Variants in TEKTL1 observed in about 807,000 individuals in gnomAD.
The protein encoded by TEKTL1 is tektin like 1.
the TEKTL1 span, chr19:15,023,081 A>ACGC: frequency 1.7e-3 from 2,761 of 1,608,380 alleles, 13 homozygotes; most frequent in Middle Eastern, 5.6e-3. Flanking sequence ...GGACCCGCGC[A>ACGC]CGCCGCCGCC....
the TEKTL1 span, chr19:15,020,516 C>T: frequency 1.9e-6 from 3 of 1,613,876 alleles, no homozygotes; most frequent in Non-Finnish European, 1.7e-6. Context: ...CGGCTCCAAG[C>T]CGTGGACCTC....
At chr19:15,021,425 A>AG in the TEKTL1 span, 2 of 1,614,266 alleles carry the variant, frequency 1.2e-6, no homozygotes, top group Non-Finnish European at 1.7e-6. Context: ...GAAATGGCAA[A>AG]GAACGAGGTG....
chr19:15,018,156 C>T, the TEKTL1 span, among the ~76,000 whole-genome samples: 6 of 151,994 alleles, frequency 3.9e-5, no homozygotes, highest in African/African-American at 1.4e-4. Flanking sequence ...AGTTTCAGAC[C>T]AGCCTGGCCA....
chr19:15,022,786 T>TAC, the TEKTL1 span: 15 of 1,400,802 alleles, frequency 1.1e-5, no homozygotes, highest in Non-Finnish European at 1.3e-5. Context: ...CTGTGTTCCT[T>TAC]ACACACACAC....
At chr19:15,021,211 C>T in the TEKTL1 span, 1 of 1,008,618 alleles carries the variant, frequency 9.9e-7, no homozygotes, top group Non-Finnish European at 1.4e-6. Context: ...TTACACTATC[C>T]CCCGCGCCCC....
chr19:15,014,706 C>G, the TEKTL1 span, among the ~76,000 whole-genome samples: 1 of 60,900 alleles, frequency 1.6e-5, no homozygotes, highest in Non-Finnish European at 3.1e-5. Flanking sequence ...AGGGTGTGGA[C>G]GAGGCAGGAG....
chr19:15,014,783 CA>C, the TEKTL1 span, among the ~76,000 whole-genome samples: 13 of 148,840 alleles, frequency 8.7e-5, no homozygotes, highest in Non-Finnish European at 1.5e-4. Context: ...CGGAATACTG[CA>C]TATCTTCTGG....
the TEKTL1 span, among the ~76,000 whole-genome samples, chr19:15,012,555 AAAAC>A: frequency 0.33 from 50,453 of 151,414 alleles, 8,490 homozygotes; most frequent in Non-Finnish European, 0.36. Flanking sequence ...GTGAGACTCA[AAAAC>A]AAACAAACAA....
chr19:15,013,853 T>C, the TEKTL1 span: 1 of 833,372 alleles, frequency 1.2e-6, no homozygotes, highest in Non-Finnish European at 2.0e-6. Flanking sequence ...CACTCTGACC[T>C]GGGGACTGTC....
At chr19:15,021,529 T>C in the TEKTL1 span, 1 of 1,613,664 alleles carries the variant, frequency 6.2e-7, no homozygotes. Flanking sequence ...GGTGAGCGCA[T>C]TACCTGCGGC....
chr19:15,020,692 C>T, the TEKTL1 span: 3 of 1,558,392 alleles, frequency 1.9e-6, no homozygotes, highest in African/African-American at 4.1e-5. Context: ...CGTATTGGTG[C>T]CCACCCAGAT....
At chr19:15,010,747 A>C in the TEKTL1 span, 6 of 1,418,356 alleles carry the variant, frequency 4.2e-6, no homozygotes, top group Admixed American at 2.5e-5. Context: ...TCTACAGGCC[A>C]GGAAAGAGTT....
At chr19:15,020,646 C>T in the TEKTL1 span, 4 of 1,613,166 alleles carry the variant, frequency 2.5e-6, no homozygotes, top group South Asian at 4.4e-5. Context: ...ACCCTGTGGG[C>T]ACCTATAACC....
At chr19:15,019,805 T>C in the TEKTL1 span, among the ~76,000 whole-genome samples, 3 of 151,684 alleles carry the variant, frequency 2.0e-5, no homozygotes, top group Non-Finnish European at 4.4e-5. Flanking sequence ...CTAGGCAACA[T>C]AGTGAGACCC....
the TEKTL1 span, among the ~76,000 whole-genome samples, chr19:15,018,131 T>C: frequency 2.0e-5 from 3 of 152,138 alleles, no homozygotes; most frequent in South Asian, 6.2e-4. Flanking sequence ...GGCGGGTGGA[T>C]CACCTGAGGT....
At chr19:15,014,175 C>T in the TEKTL1 span, among the ~76,000 whole-genome samples, 589 of 152,306 alleles carry the variant, frequency 3.9e-3, 6 homozygotes, top group African/African-American at 0.014. Context: ...CACTCTAACA[C>T]GTGCTCCAGC....
chr19:15,021,184 C>T, the TEKTL1 span, among the ~76,000 whole-genome samples: 1 of 152,122 alleles, frequency 6.6e-6, no homozygotes, highest in South Asian at 2.1e-4. Flanking sequence ...TCTAAGGAAA[C>T]CAACCCAAGA....
At chr19:15,022,673 T>C in the TEKTL1 span, among the ~76,000 whole-genome samples, 1 of 151,268 alleles carries the variant, frequency 6.6e-6, no homozygotes, top group African/African-American at 2.4e-5. Flanking sequence ...GGATCCTTCC[T>C]ACACATCTTG....
the TEKTL1 span, among the ~76,000 whole-genome samples, chr19:15,019,093 C>T: frequency 3.3e-5 from 5 of 152,106 alleles, no homozygotes; most frequent in South Asian, 2.1e-4. Context: ...GAATTACAGA[C>T]GTGAATCATC....
Sources: allele counts gnomAD v4.1 joint callset (sites outside exome capture counted in the v4.1 genomes callset), GRCh38; gene constraint gnomAD v4.1.1; transcripts MANE v1.5; gene names NCBI Gene and HGNC (gene_info 2026-07-23, HGNC 2026-07-21).